UAP1: variants seen among roughly 807,000 people sequenced by gnomAD.
UAP1 encodes the protein UDP-N-acetylhexosamine pyrophosphorylase.
In UAP1, 25 loss-of-function variants were observed where a neutral mutation model predicts 58.5. That is an observed-to-expected ratio of 0.43 (90% CI 0.31 to 0.60). The LOEUF is 0.60. Ranked by LOEUF, UAP1 falls within the 20% of genes least tolerant of loss-of-function variation. The probability of loss-of-function intolerance (pLI) is 0.11; values close to 1 mark genes in which losing one functional copy is unlikely to be tolerated. For synonymous variants in UAP1, 208 were observed against 213.0 expected, an observed-to-expected ratio of 0.98 and a Z score of 0.21; for missense variants, 575 against 630.0, an observed-to-expected ratio of 0.91 and a Z score of 0.93.
intron 5 of UAP1, among the ~76,000 whole-genome samples, chr1:162,585,267 T>C (rs1332144328): frequency 6.6e-6 from 1 of 152,158 alleles, no homozygotes; most frequent in Non-Finnish European, 1.5e-5. Context: ...TCTTTTTTTT[T>C]TTTTCTGAGA....
At chr1:162,597,088 C>T (rs1207529407) in intron 9 of UAP1, among the ~76,000 whole-genome samples, 3 of 152,140 alleles carry the variant, frequency 2.0e-5, no homozygotes, top group African/African-American at 7.2e-5. Flanking sequence ...ATTAGCTCAG[C>T]TAATCTAGGA....
Position 162,568,121 on chromosome 1 carries a change from A to G in UAP1, c.280+1773A>G, listed in dbSNP as rs527345308. On this transcript the variant is annotated intron_variant, in intron 2 of 10. Transcript: ENST00000271469. The stretch of plus-strand genomic sequence containing the variant: ...GCAGATTGTATATATATTTGATTTC[A>G]TAGATGTGTAGTAATACTATACATA... Among the ~76,000 whole-genome samples, 43 of 152,324 alleles carry G rather than the reference A, an allele frequency of 2.8e-4. No individual in the cohort carries two copies. The South Asian group carries it at 8.5e-3, about 30-fold the overall frequency.
rs114197819 is a variant in UAP1 at position 162,593,189 on chromosome 1, T to G, written c.1409+407T>G. On this transcript the variant is annotated intron_variant, in intron 9 of 10. Coordinates refer to ENST00000271469, the Ensembl canonical transcript of UAP1. ...GTATGCTCTCAGTATACAGGCTGAT[T>G]GTTCCTGTCATATTTGATGGCCCTT... The G allele has an allele frequency of 5.8e-3, 1,026 of 177,816 alleles. 7 individuals are homozygous for G. The highest frequency in any genetic ancestry group is 0.022 in the African/African-American group (954 of 42,712). 11.0% of individuals were successfully genotyped at this position (177,816 alleles called of 1,614,324 possible). A position where few individuals can be genotyped will look rare whatever the true frequency, so the allele number is the denominator to read the frequency against.
chr1:162,587,774 T>C, intron 6 of UAP1, 106 bp downstream of exon 6: 1 of 1,113,632 alleles, frequency 9.0e-7, no homozygotes, highest in Non-Finnish European at 1.3e-6. Flanking sequence ...ACAGAATTCA[T>C]CTTTCCTGAG....
chr1:162,583,146 C>T (rs1171597584), intron 5 of UAP1, among the ~76,000 whole-genome samples: 3 of 68,042 alleles, frequency 4.4e-5, no homozygotes, highest in African/African-American at 6.2e-5. Context: ...TGGTGTCACT[C>T]TTTTTTTTTT....
intron 5 of UAP1, among the ~76,000 whole-genome samples, chr1:162,583,823 A>G (rs184618657): frequency 9.9e-5 from 15 of 151,946 alleles, no homozygotes; most frequent in African/African-American, 3.6e-4. Context: ...TATTTTTAGT[A>G]GAGACAGGGT....
rs540216598 is a variant in UAP1 at position 162,574,096 on chromosome 1, T to TTC, written c.281-2680_281-2679insCT. ...AGTTATTTTTTTCTTTTCTTTTCTT[T>TTC]TTTTTTTTTTTTTTGAGACGGAGTC... On this transcript the variant is annotated intron_variant, in intron 2 of 10. Coordinates refer to ENST00000271469, the Ensembl canonical transcript of UAP1. Among the ~76,000 whole-genome samples the TTC allele has an allele frequency of 1.6e-3, 245 of 148,896 alleles. 5 individuals are homozygous for TTC. The East Asian group carries it at 0.041, about 25-fold the overall frequency.
intron 2 of UAP1, among the ~76,000 whole-genome samples, chr1:162,573,279 A>AT (rs1653979666): frequency 6.6e-6 from 1 of 151,862 alleles, no homozygotes; most frequent in South Asian, 2.1e-4. Flanking sequence ...TAAAAAAAAA[A>AT]GGCAGCACAA....
At chr1:162,585,094 G>A (rs1324486102) in intron 5 of UAP1, among the ~76,000 whole-genome samples, 1 of 151,870 alleles carries the variant, frequency 6.6e-6, no homozygotes, top group Non-Finnish European at 1.5e-5. Context: ...TTACCATGTT[G>A]GCCAGGCTGG....
chr1:162,589,293 G>A lies in UAP1; in HGVS notation c.1169+460G>A, dbSNP rs1655153901. Among the ~76,000 whole-genome samples, 6 of 128,290 alleles carry A rather than the reference G, an allele frequency of 4.7e-5. No homozygotes were observed. In the South Asian group the frequency reaches 1.1e-3, roughly 24 times the overall value. 84.2% of individuals were successfully genotyped at this position (128,290 alleles called of 152,430 possible). ...TTTATAATATATATAAATATATATT[G>A]TTTATATTATATATATAAATAAATA... On this transcript the variant is annotated intron_variant, in intron 7 of 10. Transcript: ENST00000271469.
At chr1:162,561,551 CG>C (rs1452071837) in exon 1 of UAP1, 1 of 152,002 alleles carries the variant, frequency 6.6e-6, no homozygotes, top group Non-Finnish European at 1.5e-5. Context: ...CCGGCGCTGA[CG>C]TGTCTGGGCG....
exon 2 of UAP1, chr1:162,566,079 A>G: frequency 6.2e-7 from 1 of 1,611,874 alleles, no homozygotes; most frequent in Non-Finnish European, 8.5e-7. Flanking sequence ...ATGAACATTA[A>G]TGACCTCAAA....
At chr1:162,592,859 G>C in intron 9 of UAP1, 77 bp downstream of exon 9, 1 of 1,336,474 alleles carries the variant, frequency 7.5e-7, no homozygotes, top group Non-Finnish European at 1.0e-6. Flanking sequence ...TCGTAGTTTA[G>C]TGCTCTGCCT....
chr1:162,594,973 G>A (rs1336859738), intron 9 of UAP1, among the ~76,000 whole-genome samples: 3 of 152,208 alleles, frequency 2.0e-5, no homozygotes, highest in Admixed American at 6.5e-5. Flanking sequence ...AGTATATTAT[G>A]TAAAAGAGGG....
chr1:162,589,147 TAATATATA>T (rs1557977321), intron 7 of UAP1, among the ~76,000 whole-genome samples: 23 of 98,782 alleles, frequency 2.3e-4, no homozygotes, highest in Non-Finnish European at 3.4e-4. Context: ...TATATTTATA[TAATATATA>T]TTATATATAA....
At chr1:162,576,907 G>A (rs1335490392) in exon 3 of UAP1, 1 of 1,614,136 alleles carries the variant, frequency 6.2e-7, no homozygotes, top group East Asian at 2.2e-5. Flanking sequence ...CACTTTTTCA[G>A]ATTCAAGCAG....
chr1:162,579,719 T>G (rs561507420), intron 4 of UAP1, 116 bp downstream of exon 4: 21 of 912,842 alleles, frequency 2.3e-5, no homozygotes, highest in African/African-American at 3.4e-5. Context: ...ATATATGTGT[T>G]TTTTGCAGCT....
intron 7 of UAP1, among the ~76,000 whole-genome samples, chr1:162,589,929 C>T (rs1301376166): frequency 6.6e-6 from 1 of 152,064 alleles, no homozygotes; most frequent in African/African-American, 2.4e-5. Flanking sequence ...TGAGATTGTG[C>T]CACTGCACTC....
intron 7 of UAP1, among the ~76,000 whole-genome samples, chr1:162,589,222 TTATA>T (rs1244139414): frequency 2.1e-5 from 2 of 96,230 alleles, no homozygotes; most frequent in Non-Finnish European, 4.0e-5. Context: ...TATATAATAT[TTATA>T]TATTATATAT....
Sources: allele counts gnomAD v4.1 joint callset (sites outside exome capture counted in the v4.1 genomes callset), GRCh38; gene constraint gnomAD v4.1.1; transcripts MANE v1.5; gene names NCBI Gene and HGNC (gene_info 2026-07-23, HGNC 2026-07-21).